The following HACL1 variants were observed in gnomAD, a reference collection of about 807,000 sequenced individuals.
HACL1 encodes the protein 2-hydroxyacyl-CoA lyase 1, also known as 1600020H07Rik.
In HACL1, 64 loss-of-function variants were observed where a neutral mutation model predicts 74.2. The observed-to-expected ratio is 0.86, with a 90% CI of 0.70 to 1.06. The LOEUF (loss-of-function observed/expected upper bound fraction) is 1.06, where lower values mean the gene tolerates loss of function less well. Ranked by LOEUF, HACL1 falls within the 50% of genes least tolerant of loss-of-function variation. HACL1 has a pLI of 0.00. For synonymous variants in HACL1, 230 were observed against 238.8 expected (o/e 0.96, Z 0.34); for missense variants, 728 against 719.7 (o/e 1.01, Z -0.13).
Position 15,564,545 on chromosome 3 carries a change from A to C in HACL1, c.1517+6T>G, listed in dbSNP as rs375070346. Reference sequence around the variant, plus strand: ...AAGTAAACAGACATTGGTCTTGGTTACTTACACTGCAGTAGCATCTTGAAA... The same window carrying C: ...AAGTAAACAGACATTGGTCTTGGTTCCTTACACTGCAGTAGCATCTTGAAA... On this transcript the variant is annotated splice_donor_region_variant and intron_variant, in intron 15 of 16. Transcript: ENST00000321169. The C allele has an allele frequency of 4.1e-5, 50 of 1,211,034 alleles. No individual in the cohort carries two copies. The highest frequency in any genetic ancestry group is 5.8e-5 in the Non-Finnish European group (48 of 826,378). The allele number at this position is 1,211,034 out of a possible 1,614,324, so 75.0% of individuals were successfully genotyped here. A position where few individuals can be genotyped will look rare whatever the true frequency, so the allele number is the denominator to read the frequency against.
chr3:15,571,772 T>TA lies in HACL1; in HGVS notation c.994-4dup, dbSNP rs200924343. 0.21 allele frequency: 171,410 copies of TA among 800,622 alleles called. 4,616 individuals are homozygous for TA. The highest frequency in any genetic ancestry group is 0.23 in the Non-Finnish European group (117,770 of 519,886). 49.6% of individuals were successfully genotyped at this position (800,622 alleles called of 1,614,324 possible). On this transcript the variant is annotated splice_region_variant and splice_polypyrimidine_tract_variant and intron_variant, in intron 11 of 16. Transcript: ENST00000321169. ...GTTTTATCAAGTTCCTCTAAAAGCT[T>TA]AAAAAAAAAAAAACACACACACACA... is the stretch of plus-strand genomic sequence containing the variant.
At position 15,560,756 on chromosome 3, in the gene HACL1, T is replaced by A; in HGVS notation, c.*109A>T. ...CTTTACTGTAAAATGTCATTTTAAA[T>A]GTTTATTTTATTTTGCACAATTTTA... is the stretch of plus-strand genomic sequence containing the variant. On this transcript the variant is annotated 3_prime_UTR_variant, in exon 17 of 17. Coordinates refer to ENST00000321169, the MANE Select transcript of HACL1 (RefSeq NM_012260.4). The A allele has an allele frequency of 1.3e-6, 1 of 768,838 alleles. No homozygotes were observed. Among genetic ancestry groups the A allele is most frequent in the Middle Eastern group, 2.6e-4 (1 of 3,916 alleles). The allele number at this position is 768,838 out of a possible 1,614,324, so 47.6% of individuals were successfully genotyped here.
At position 15,592,481 on chromosome 3, in the gene HACL1, T is replaced by TACACACACATATACATAC. The variant is rs139294939; in HGVS notation, c.228-802_228-801insGTATGTATATGTGTGTGT. On this transcript the variant is annotated intron_variant, in intron 3 of 16. Coordinates refer to ENST00000321169, the MANE Select transcript of HACL1 (RefSeq NM_012260.4). ...ACGTATACATACACACACGTATACATACACTTGTATACATATACACTTGTA... is the reference window on the plus strand; with the variant it reads ...ACGTATACATACACACACGTATACATACACACACATATACATACACACTTGTATACATATACACTTGTA... 5.1e-5 allele frequency among the ~76,000 whole-genome samples: 7 copies of TACACACACATATACATAC among 138,142 alleles called. No individual in the cohort carries two copies. In the East Asian group the frequency reaches 1.7e-3, roughly 33 times the overall value. The allele number at this position is 138,142 out of a possible 152,430, so 90.6% of individuals were successfully genotyped here. A position where few individuals can be genotyped will look rare whatever the true frequency, so the allele number is the denominator to read the frequency against.
In HACL1 at chr3:15,567,971, C is replaced by T. The variant is rs1247032951; in HGVS notation, c.1282G>A (p.Val428Ile). Residue 428 changes from valine (V) to isoleucine (I), a missense_variant, in exon 14 of 17, where the codon GTT becomes ATT. Physicochemically the swap from Val to Ile is conservative, Grantham distance 29. Coordinates refer to ENST00000321169, the MANE Select transcript of HACL1 (RefSeq NM_012260.4). ...GCTGCAATAGCAAATCCCAAACCAA[C>T]TCCCATTGTTCCGAAAGTACCAGCA... ...LDAGTFGTMG[V>I]GLGFAIAAAV... 1.2e-6 allele frequency: 2 copies of T among 1,614,052 alleles called. No individual in the cohort carries two copies. The highest frequency in any genetic ancestry group is 2.7e-5 in the African/African-American group (2 of 74,940).
intron 11 of HACL1, 64 bp from the exon 12 acceptor site, chr3:15,571,833 T>TTC: frequency 4.7e-6 from 2 of 428,966 alleles, no homozygotes; most frequent in Non-Finnish European, 7.8e-6. Context: ...TTTTTTCTTT[T>TTC]TTTTTTTTTT....
At chr3:15,599,002 AAT>A (rs1186921845) in intron 2 of HACL1, among the ~76,000 whole-genome samples, 2 of 152,228 alleles carry the variant, frequency 1.3e-5, no homozygotes, top group Non-Finnish European at 1.5e-5. Context: ...AAAATCTAGG[AAT>A]CATCTCCAGA....
intron 11 of HACL1, among the ~76,000 whole-genome samples, chr3:15,572,716 A>T (rs559498917): frequency 1.3e-5 from 2 of 152,234 alleles, no homozygotes; most frequent in African/African-American, 4.8e-5. Context: ...AATAATAACA[A>T]CCTGTGGAAA....
At chr3:15,590,275 A>G (rs2063867752) in intron 4 of HACL1, among the ~76,000 whole-genome samples, 1 of 152,060 alleles carries the variant, frequency 6.6e-6, no homozygotes, top group Non-Finnish European at 1.5e-5. Context: ...AAGTGAATCT[A>G]TTTAGAAATT....
chr3:15,585,428 G>A, intron 6 of HACL1, 86 bp from the exon 7 acceptor site: 1 of 774,306 alleles, frequency 1.3e-6, no homozygotes. Context: ...ACTGGAAAAT[G>A]AACACTTTTC....
intron 12 of HACL1, 93 bp from the exon 13 acceptor site, chr3:15,568,679 CG>C: frequency 1.3e-6 from 1 of 749,510 alleles, no homozygotes; most frequent in South Asian, 1.9e-5. Flanking sequence ...TTTGGAAATA[CG>C]CAACAACTAC....
At chr3:15,576,696 G>A (rs1574921256) in intron 9 of HACL1, among the ~76,000 whole-genome samples, 1 of 151,924 alleles carries the variant, frequency 6.6e-6, no homozygotes, top group East Asian at 1.9e-4. Context: ...TGTGGGTTTT[G>A]TTTTGTTTTT....
At position 15,592,288 on chromosome 3, in the gene HACL1, A is replaced by G. The variant is rs535514009; in HGVS notation, c.228-608T>C. Reference sequence around the variant, plus strand: ...CATATATACGTATACATACGTGTATATGTATACATACGTATATATATGTAT... The same window carrying G: ...CATATATACGTATACATACGTGTATGTGTATACATACGTATATATATGTAT... On this transcript the variant is annotated intron_variant, in intron 3 of 16. Coordinates refer to ENST00000321169, the MANE Select transcript of HACL1 (RefSeq NM_012260.4). Among the ~76,000 whole-genome samples the G allele has an allele frequency of 4.1e-4, 61 of 150,346 alleles. 1 individual carries two copies. The highest frequency in any genetic ancestry group is 1.5e-3 in the African/African-American group (61 of 40,794).
chr3:15,574,435 A>G (rs2063588500), intron 10 of HACL1, among the ~76,000 whole-genome samples: 1 of 152,144 alleles, frequency 6.6e-6, no homozygotes, highest in South Asian at 2.1e-4. Context: ...AGGTTTGCAC[A>G]CCACTATGCA....
intron 8 of HACL1, among the ~76,000 whole-genome samples, chr3:15,580,823 C>G (rs1012615945): frequency 2.0e-5 from 3 of 152,240 alleles, no homozygotes; most frequent in Admixed American, 1.3e-4. Flanking sequence ...CATTAAGTTT[C>G]TAAAGATCTG....
rs1037495680 is a variant in HACL1, at chr3:15,592,183, T to C, written c.228-503A>G. ...ATACGTATACATGCATGTATATATGTATACATACGTATATATGTATACATG... is the reference window on the plus strand; with the variant it reads ...ATACGTATACATGCATGTATATATGCATACATACGTATATATGTATACATG... On this transcript the variant is annotated intron_variant, in intron 3 of 16. Coordinates refer to ENST00000321169, the MANE Select transcript of HACL1 (RefSeq NM_012260.4). Among the ~76,000 whole-genome samples the C allele has an allele frequency of 4.0e-5, 6 of 150,240 alleles. 1 individual carries two copies. Among genetic ancestry groups the C allele is most frequent in the South Asian group, 4.1e-4 (2 of 4,820 alleles).
chr3:15,584,503 G>A (rs147617449), intron 7 of HACL1, among the ~76,000 whole-genome samples: 4,551 of 152,116 alleles, frequency 0.03, 76 homozygotes, highest in African/African-American at 0.037. Context: ...CAGGAGAATC[G>A]CTTGAACCCA....
Position 15,564,623 on chromosome 3 carries a change from T to C in HACL1, c.1445A>G (p.Asn482Ser). 1.3e-6 allele frequency: 2 copies of C among 1,564,902 alleles called. No individual in the cohort carries two copies. The highest frequency in any genetic ancestry group is 1.8e-6 in the Non-Finnish European group (2 of 1,137,628). The change falls in exon 15 of 17, where the codon AAC (asparagine) becomes AGC (serine). Residue 482 changes from asparagine to serine, a missense_variant. Physicochemically the swap from Asn to Ser is conservative, Grantham distance 46 (BLOSUM62 1). Coordinates refer to ENST00000321169, the MANE Select transcript of HACL1 (RefSeq NM_012260.4). ...ATCAAAACCTTGGTAAATTCCATTG[T>C]TATTCACTACCAACAGTATGATTGG... is the stretch of plus-strand genomic sequence containing the variant. Reference protein sequence around the residue: ...NLPIILLVVNNNGIYQGFDTD... With the variant: ...NLPIILLVVNSNGIYQGFDTD...
At position 15,580,051 on chromosome 3, in the gene HACL1, A is replaced by G. The variant is rs1374681617; in HGVS notation, c.668-6T>C. On this transcript the variant is annotated splice_region_variant and splice_polypyrimidine_tract_variant and intron_variant, in intron 8 of 16. Transcript: ENST00000321169. ...TGCATGAGCGTAAGCAGCACCTATAAGAAATGCAAATGTATTGGACAATTC... is the reference window on the plus strand; with the variant it reads ...TGCATGAGCGTAAGCAGCACCTATAGGAAATGCAAATGTATTGGACAATTC... 16 of 1,610,428 alleles carry G rather than the reference A, an allele frequency of 9.9e-6. No homozygotes were observed. The highest frequency in any genetic ancestry group is 1.4e-5 in the Non-Finnish European group (16 of 1,177,184).
At position 15,575,041 on chromosome 3, in the gene HACL1, C is replaced by A; in HGVS notation, c.845G>T (p.Arg282Ile). 6.3e-7 allele frequency: 1 copy of A among 1,599,046 alleles called. No homozygotes were observed. Among genetic ancestry groups the A allele is most frequent in the Non-Finnish European group, 8.6e-7 (1 of 1,167,182 alleles). Residue 282 changes from arginine (R) to isoleucine (I), a missense_variant, in exon 10 of 17, where the codon AGA becomes ATA. Transcript: ENST00000321169. ...FADVIVLFGA[R>I]LNWILHFGLP... ...TCCAAAATGTAAAATCCAATTTAGT[C>A]TGGCACCAAATAACACAATTACATC... is the stretch of plus-strand genomic sequence containing the variant.
Sources: gnomAD v4.1 joint callset for allele counts (sites outside exome capture counted in the v4.1 genomes callset) on GRCh38, gnomAD v4.1.1 for gene constraint, MANE v1.5 for transcripts, NCBI Gene and HGNC (gene_info 2026-07-23, HGNC 2026-07-21) for gene names.